The following ARHGEF9 variants were observed in gnomAD, a reference collection of about 807,000 sequenced individuals.
ARHGEF9 encodes Cdc42 guanine nucleotide exchange factor 9.
Under a neutral mutation model 41.3 loss-of-function variants are expected in ARHGEF9, and 2 were observed. The observed-to-expected ratio is 0.05, with a 90% CI of 0.02 to 0.15. The LOEUF (loss-of-function observed/expected upper bound fraction) is 0.15. Ranked by LOEUF, ARHGEF9 falls within the 10% of genes least tolerant of loss-of-function variation. ARHGEF9 has a pLI of 1.00. For synonymous variants in ARHGEF9, 160 were observed against 154.4 expected (o/e 1.04, Z -0.27); for missense variants, 225 against 424.7 (o/e 0.53, Z 4.13).
intron 2 of ARHGEF9, among the ~76,000 whole-genome samples, chrX:63,707,120 G>A (rs1279688662): frequency 1.8e-5 from 2 of 111,550 alleles, no homozygotes; most frequent in African/African-American, 6.5e-5. Context: ...GAGAAGTTAA[G>A]TAATCTATCC....
At chrX:63,773,366 A>G (rs1569507040) in intron 1 of ARHGEF9, among the ~76,000 whole-genome samples, 1 of 111,787 alleles carries the variant, frequency 8.9e-6, no homozygotes, top group Non-Finnish European at 1.9e-5. Context: ...GCACTCATAG[A>G]AGGAGAAGGT....
At chrX:63,700,113 A>G (rs1267700079) in intron 3 of ARHGEF9, among the ~76,000 whole-genome samples, 1 of 112,189 alleles carries the variant, frequency 8.9e-6, no homozygotes. Flanking sequence ...AGGAAAGAGG[A>G]GGGAAGACCC....
intron 1 of ARHGEF9, among the ~76,000 whole-genome samples, chrX:63,761,151 G>A (rs1339189788): frequency 9.0e-6 from 1 of 111,085 alleles, no homozygotes; most frequent in Non-Finnish European, 1.9e-5. Context: ...CACACCTTTG[G>A]CAAGGCTGTT....
At chrX:63,723,400 T>G (rs782347675) in intron 2 of ARHGEF9, among the ~76,000 whole-genome samples, 1 of 111,415 alleles carries the variant, frequency 9.0e-6, no homozygotes, top group South Asian at 3.9e-4. Context: ...AATTCTAATA[T>G]TGGGGCCCTT....
intron 1 of ARHGEF9, among the ~76,000 whole-genome samples, chrX:63,746,651 C>A (rs1358950673): frequency 1.8e-5 from 2 of 112,101 alleles, no homozygotes; most frequent in South Asian, 3.8e-4. Flanking sequence ...ACATAGGAAA[C>A]CTTATTTGTT....
chrX:63,638,873 CGGAATAT>C, intron 9 of ARHGEF9, among the ~76,000 whole-genome samples: 1 of 111,950 alleles, frequency 8.9e-6, no homozygotes, highest in Admixed American at 9.5e-5. Flanking sequence ...GCAAGGAAGA[CGGAATAT>C]GTGTGTGTCT....
At chrX:63,648,827 AC>A (rs1358823579) in intron 8 of ARHGEF9, among the ~76,000 whole-genome samples, 1 of 111,680 alleles carries the variant, frequency 9.0e-6, no homozygotes, top group East Asian at 2.8e-4. Context: ...CAGACTTTAA[AC>A]CAACAAAGAT....
intron 4 of ARHGEF9, among the ~76,000 whole-genome samples, chrX:63,691,343 T>C (rs1271825927): frequency 9.1e-6 from 1 of 110,325 alleles, no homozygotes; most frequent in Non-Finnish European, 1.9e-5. Flanking sequence ...TGTTTGCCAA[T>C]AGTGAACAAT....
chrX:63,653,371 G>T (rs782418767), intron 8 of ARHGEF9, among the ~76,000 whole-genome samples: 1 of 111,386 alleles, frequency 9.0e-6, no homozygotes, highest in South Asian at 3.8e-4. Flanking sequence ...ATTTCTGACT[G>T]CCTGCTCTAT....
chrX:63,748,856 G>A (rs781827566), intron 1 of ARHGEF9, among the ~76,000 whole-genome samples: 1 of 112,197 alleles, frequency 8.9e-6, no homozygotes, highest in South Asian at 3.8e-4. Context: ...AAGTTCTTTT[G>A]CACTTGATCT....
At chrX:63,677,306 G>A (rs2050316727) in intron 5 of ARHGEF9, among the ~76,000 whole-genome samples, 1 of 111,630 alleles carries the variant, frequency 9.0e-6, no homozygotes, top group Non-Finnish European at 1.9e-5. Flanking sequence ...GTAGGGTAGG[G>A]AATTATATCA....
At chrX:63,729,505 A>C (rs1427260407) in intron 1 of ARHGEF9, among the ~76,000 whole-genome samples, 1 of 112,223 alleles carries the variant, frequency 8.9e-6, no homozygotes, top group Non-Finnish European at 1.9e-5. Flanking sequence ...GAGCTATAAA[A>C]AAGAAAACCA....
At chrX:63,711,277 T>C (rs1231930782) in intron 2 of ARHGEF9, among the ~76,000 whole-genome samples, 8 of 111,781 alleles carry the variant, frequency 7.2e-5, no homozygotes, top group Non-Finnish European at 1.5e-4. Context: ...AAATCTCACC[T>C]GGTGTCTGCA....
chrX:63,754,106 C>T (rs1442685601), intron 1 of ARHGEF9, among the ~76,000 whole-genome samples: 3 of 111,613 alleles, frequency 2.7e-5, no homozygotes, highest in Non-Finnish European at 5.6e-5. Context: ...GTTAAGACAC[C>T]ACAGACAGCA....
At chrX:63,647,470 C>T (rs2069707515) in intron 8 of ARHGEF9, among the ~76,000 whole-genome samples, 1 of 111,751 alleles carries the variant, frequency 8.9e-6, no homozygotes, top group African/African-American at 3.3e-5. Flanking sequence ...AAGGCCTTTT[C>T]TGCATCTATT....
chrX:63,694,216 G>A (rs1424614870), intron 4 of ARHGEF9, among the ~76,000 whole-genome samples: 1 of 110,832 alleles, frequency 9.0e-6, no homozygotes, highest in Non-Finnish European at 1.9e-5. Context: ...AATATCAAGT[G>A]TTGATGACCA....
In ARHGEF9 at chrX:63,678,377, A is replaced by T. The variant is rs2050404327; in HGVS notation, c.778T>A (p.Leu260Met). 1.7e-6 allele frequency: 2 copies of T among 1,207,167 alleles called. No individual in the cohort carries two copies. Among genetic ancestry groups the T allele is most frequent in the Admixed American group, 2.2e-5 (1 of 45,606 alleles). The change falls in exon 5 of 10, where the codon TTG (leucine) becomes ATG (methionine). Residue 260 changes from leucine (L) to methionine (M), a missense_variant. By Grantham distance (15) the Leu-to-Met change is conservative. Around this residue, in one of 3 missense-constraint regions of ARHGEF9, gnomAD observed 36 missense variants for 113.6 expected, o/e 0.32. Transcript: ENST00000671741. The part of the protein sequence containing the change: ...VQKICKYPLQ[L>M]AELLKYTAQD... ...GCAGTATACTTTAGGAGCTCAGCCA[A>T]CTGTAAGGGATACTTGCAGATCTTC...
At chrX:63,670,503 G>A (rs1160054655) in intron 6 of ARHGEF9, among the ~76,000 whole-genome samples, 1 of 108,792 alleles carries the variant, frequency 9.2e-6, no homozygotes, top group Non-Finnish European at 1.9e-5. Context: ...CCAAATATGA[G>A]CTACAATGTT....
At chrX:63,671,949 G>A (rs1399440282) in intron 6 of ARHGEF9, among the ~76,000 whole-genome samples, 3 of 112,111 alleles carry the variant, frequency 2.7e-5, no homozygotes, top group Non-Finnish European at 5.6e-5. Flanking sequence ...AGTCTGACAA[G>A]AAGACCATGA....
Sources: gnomAD v4.1 joint callset for allele counts (sites outside exome capture counted in the v4.1 genomes callset) on GRCh38, gnomAD v4.1.1 for gene constraint, gnomAD v4.1.1 regional missense constraint, MANE v1.5 for transcripts, NCBI Gene and HGNC (gene_info 2026-07-23, HGNC 2026-07-21) for gene names.